ATXN2: variants seen among roughly 807,000 people sequenced by gnomAD.
The protein encoded by ATXN2 is ataxin 2.
A neutral mutation model predicts 138.6 loss-of-function variants in ATXN2; 37 were observed. The ratio of observed to expected loss-of-function variants is 0.27; its 90% CI spans 0.21 to 0.35. The LOEUF (loss-of-function observed/expected upper bound fraction) is 0.35, where lower values mean the gene tolerates loss of function less well. Ranked by LOEUF, ATXN2 falls within the 10% of genes least tolerant of loss-of-function variation. The pLI, the probability that ATXN2 is intolerant of heterozygous loss-of-function variation, is 1.00. For missense variants in ATXN2, 1,216 were observed against 1,480.3 expected (o/e 0.82, Z 2.93); for synonymous variants, 549 against 543.7 (o/e 1.01, Z -0.13).
chr12:111,552,651 T>G lies in ATXN2; in HGVS notation c.421-221A>C. On this transcript the variant is annotated intron_variant, in intron 4 of 24. Coordinates refer to ENST00000673436, the MANE Select transcript of ATXN2 (RefSeq NM_001372574.1). The surrounding 1 kb of genome is among the most constrained non-coding windows in gnomAD (Gnocchi z 4.1). ...GTTTCTATGGTTTGTCTTAAGTACA[T>G]TAATAATAATTTTTAAGAGGAAAAA... The G allele has an allele frequency of 1.7e-6, 1 of 578,714 alleles. No individual in the cohort carries two copies. Among genetic ancestry groups the G allele is most frequent in the Non-Finnish European group, 2.8e-6 (1 of 352,614 alleles). 35.8% of individuals were successfully genotyped at this position (578,714 alleles called of 1,614,324 possible).
At chr12:111,519,674 A>G (rs531703559) in intron 8 of ATXN2, among the ~76,000 whole-genome samples, 2 of 152,308 alleles carry the variant, frequency 1.3e-5, no homozygotes, top group East Asian at 3.9e-4. Flanking sequence ...GTGATATACC[A>G]ACACTTGGCT....
intron 23 of ATXN2, 90 bp downstream of exon 23, chr12:111,455,939 G>A (rs1313697931): frequency 2.4e-6 from 3 of 1,248,448 alleles, no homozygotes; most frequent in African/African-American, 1.5e-5. Flanking sequence ...GACACACAGG[G>A]TTTCCTAGCT....
At chr12:111,575,586 C>G (rs1883594170) in intron 1 of ATXN2, among the ~76,000 whole-genome samples, 1 of 152,040 alleles carries the variant, frequency 6.6e-6, no homozygotes, top group Non-Finnish European at 1.5e-5. Context: ...GTGGCAGGGG[C>G]AATGAGAACT....
intron 20 of ATXN2, chr12:111,469,690 G>A (rs1218843956): frequency 5.1e-6 from 1 of 194,618 alleles, no homozygotes; most frequent in Non-Finnish European, 1.0e-5. Flanking sequence ...AAAAAAATAT[G>A]TAATGCCAGT....
Position 111,453,954 on chromosome 12 carries a change from G to GC in ATXN2, c.3271-110dup. On this transcript the variant is annotated intron_variant, in intron 23 of 24. Coordinates refer to ENST00000673436, the MANE Select transcript of ATXN2 (RefSeq NM_001372574.1). This position sits in a 1 kb window ranked among gnomAD's most constrained non-coding sequence, Gnocchi z 5.4. Reference sequence around the variant, plus strand: ...GACTCTCAGGAAAGGGCAACGGTGGGCCTCAGGGCCCAGTTCTGTTCTCTG... The same window carrying GC: ...GACTCTCAGGAAAGGGCAACGGTGGGCCCTCAGGGCCCAGTTCTGTTCTCTG... 9.1e-7 allele frequency: 1 copy of GC among 1,095,560 alleles called. No individual in the cohort carries two copies. Among genetic ancestry groups the GC allele is most frequent in the Non-Finnish European group, 1.3e-6 (1 of 770,606 alleles). The allele number at this position is 1,095,560 out of a possible 1,614,324, so 67.9% of individuals were successfully genotyped here.
At chr12:111,592,782 C>CAAAAAAAAAAA (rs71083183) in intron 1 of ATXN2, among the ~76,000 whole-genome samples, 748 of 25,888 alleles carry the variant, frequency 0.029, 147 homozygotes, top group African/African-American at 0.068. Context: ...GACTCCGTCT[C>CAAAAAAAAAAA]AAAAAAAAAA....
At chr12:111,494,792 C>T (rs890734631) in intron 14 of ATXN2, among the ~76,000 whole-genome samples, 2 of 151,818 alleles carry the variant, frequency 1.3e-5, no homozygotes, top group African/African-American at 2.4e-5. Context: ...GAAATTAAAA[C>T]ATACCACCAG....
Position 111,510,374 on chromosome 12 carries a change from T to C in ATXN2, c.1756+11A>G, listed in dbSNP as rs750448145. 6.2e-7 allele frequency: 1 copy of C among 1,611,944 alleles called. No individual in the cohort carries two copies. The highest frequency in any genetic ancestry group is 8.5e-7 in the Non-Finnish European group (1 of 1,178,564). On this transcript the variant is annotated intron_variant, in intron 12 of 24. Coordinates refer to ENST00000673436, the MANE Select transcript of ATXN2 (RefSeq NM_001372574.1). The stretch of plus-strand genomic sequence containing the variant: ...CTGAGATTATGGATCCAGAAGCCCT[T>C]TGTTACATACCCTCACTAGAAGGGG...
At chr12:111,541,741 G>A (rs1450294879) in intron 5 of ATXN2, among the ~76,000 whole-genome samples, 1 of 147,810 alleles carries the variant, frequency 6.8e-6, no homozygotes, top group African/African-American at 2.5e-5. Flanking sequence ...AATCTAATAA[G>A]CTTTAGAATC....
intron 5 of ATXN2, among the ~76,000 whole-genome samples, chr12:111,530,511 G>A (rs1436609036): frequency 2.0e-5 from 3 of 152,176 alleles, no homozygotes; most frequent in Non-Finnish European, 4.4e-5. Flanking sequence ...ATAGACTGGA[G>A]TGGCATTAAA....
intron 14 of ATXN2, among the ~76,000 whole-genome samples, chr12:111,491,455 G>A (rs1878026607): frequency 6.6e-6 from 1 of 152,138 alleles, no homozygotes; most frequent in Admixed American, 6.5e-5. Context: ...CCAAGGGAGT[G>A]CTTGTGCCAG....
At chr12:111,504,319 G>A (rs1191259385) in intron 14 of ATXN2, among the ~76,000 whole-genome samples, 2 of 152,106 alleles carry the variant, frequency 1.3e-5, no homozygotes, top group East Asian at 3.9e-4. Context: ...TTGAGATGGA[G>A]TCTCACTCTG....
intron 24 of ATXN2, 65 bp from the exon 25 acceptor site, chr12:111,452,905 C>G: frequency 6.5e-7 from 1 of 1,540,134 alleles, no homozygotes; most frequent in Non-Finnish European, 8.8e-7. Flanking sequence ...CCTAGTGTCT[C>G]TGCAGCACAT....
chr12:111,524,607 G>A (rs1880380353), intron 6 of ATXN2, among the ~76,000 whole-genome samples: 1 of 152,070 alleles, frequency 6.6e-6, no homozygotes, highest in African/African-American at 2.4e-5. Flanking sequence ...AGCACTTCAA[G>A]TACAGATAAT....
At chr12:111,493,877 C>G (rs1356899309) in intron 14 of ATXN2, among the ~76,000 whole-genome samples, 1 of 152,116 alleles carries the variant, frequency 6.6e-6, no homozygotes, top group African/African-American at 2.4e-5. Context: ...TTCGCCCCAC[C>G]TTTGCCTTCC....
upstream of ATXN2, chr12:111,599,394 C>CCCGCCCGCTCCGCCCGCT (rs1249427887): frequency 8.6e-7 from 1 of 1,164,610 alleles, no homozygotes; most frequent in Non-Finnish European, 1.1e-6. Context: ...CCACCGCCGC[C>CCCGCCCGCTCCGCCCGCT]CCGCCCGCTC....
chr12:111,462,971 T>C (rs533300193), intron 21 of ATXN2, among the ~76,000 whole-genome samples: 14,485 of 136,192 alleles, frequency 0.11, 2,360 homozygotes, highest in African/African-American at 0.38. Flanking sequence ...TACATATATA[T>C]ATATATACAC....
rs1238343244 is a variant in ATXN2, at chr12:111,599,291, T to C, written c.-257A>G. 3.0e-5 allele frequency: 30 copies of C among 1,006,656 alleles called. 1 individual carries two copies. The highest frequency in any genetic ancestry group is 2.9e-5 in the Non-Finnish European group (25 of 853,470). 62.4% of individuals were successfully genotyped at this position (1,006,656 alleles called of 1,614,324 possible). ...GCCGTTGCCGTTGCTACCAAAACAG[T>C]CTGAGGCGGAGGGAGGCGAGCTCTG... On this transcript the variant is annotated 5_prime_UTR_variant, in exon 1 of 25. Transcript: ENST00000673436.
rs748084160 is a variant in ATXN2, at chr12:111,510,029, A to G, written c.1757-31T>C. ...AAACAATTTTTTAAAAAAAATTCAG[A>G]TAAGTTAGAAAAGCAAAACAAGAAA... On this transcript the variant is annotated intron_variant, in intron 12 of 24. Coordinates refer to ENST00000673436, the MANE Select transcript of ATXN2 (RefSeq NM_001372574.1). The G allele has an allele frequency of 2.0e-5, 29 of 1,479,428 alleles. 1 individual carries two copies. The highest frequency in any genetic ancestry group is 9.9e-5 in the African/African-American group (7 of 70,988). The allele number at this position is 1,479,428 out of a possible 1,614,324, so 91.6% of individuals were successfully genotyped here.
Sources: allele counts gnomAD v4.1 joint callset (sites outside exome capture counted in the v4.1 genomes callset), GRCh38; gene constraint gnomAD v4.1.1; non-coding constraint Gnocchi (gnomAD v3.1); transcripts MANE v1.5; gene names NCBI Gene and HGNC (gene_info 2026-07-23, HGNC 2026-07-21).